Variants in MAP2 observed in about 807,000 individuals in gnomAD.
MAP2 encodes microtubule associated protein 2, also known as microtubule-associated protein 2.
MAP2 carries 14 observed loss-of-function variants against 137.6 expected under a neutral mutation model. The observed-to-expected ratio is 0.10, with a 90% CI of 0.07 to 0.16. The LOEUF is 0.16. Ranked by LOEUF, MAP2 falls within the 10% of genes least tolerant of loss-of-function variation. The probability of loss-of-function intolerance (pLI) is 1.00; values close to 1 mark genes in which losing one functional copy is unlikely to be tolerated. For synonymous variants in MAP2, 786 were observed against 782.3 expected (o/e 1.00, Z -0.08); for missense variants, 2,088 against 2,191.5 (o/e 0.95, Z 0.94).
At chr2:209,580,182 A>G (rs1416095496) in intron 3 of MAP2, 82 bp downstream of exon 3, 5 of 152,018 alleles carry the variant, frequency 3.3e-5, no homozygotes, top group African/African-American at 4.8e-5. Flanking sequence ...TAATTTATCT[A>G]TGATTGGTCT....
At chr2:209,662,153 CT>C (rs2043950042) in intron 5 of MAP2, among the ~76,000 whole-genome samples, 2 of 152,126 alleles carry the variant, frequency 1.3e-5, no homozygotes, top group African/African-American at 4.8e-5. Context: ...TTTTAATTGC[CT>C]ACAAACACTT....
In MAP2 at chr2:209,702,835, T is replaced by G. The variant is rs369251803; in HGVS notation, c.4584+2497T>G. Among the ~76,000 whole-genome samples the G allele has an allele frequency of 3.3e-5, 5 of 152,242 alleles. No homozygotes were observed. The East Asian group carries it at 7.7e-4, about 23-fold the overall frequency. ...AGTGATTTGTACAGTCTGTAAATACTTATGTCCTGTTGTAGCCACAGAGGT... is the reference window on the plus strand; with the variant it reads ...AGTGATTTGTACAGTCTGTAAATACGTATGTCCTGTTGTAGCCACAGAGGT... On this transcript the variant is annotated intron_variant, in intron 11 of 15. Coordinates refer to ENST00000682079, the MANE Select transcript of MAP2 (RefSeq NM_001375505.1).
At chr2:209,662,901 A>G (rs1396417666) in intron 5 of MAP2, among the ~76,000 whole-genome samples, 1 of 152,116 alleles carries the variant, frequency 6.6e-6, no homozygotes, top group Non-Finnish European at 1.5e-5. Flanking sequence ...AAATTGCTCA[A>G]ATATCTTGAG....
rs146484973 is a variant in MAP2 at position 209,683,499 on chromosome 2, T to C, written c.454+2672T>C. The stretch of plus-strand genomic sequence containing the variant: ...AAGATTTGTGGTCTAGACAAACTAC[T>C]GTTTCTCTTTTATGTTAAGCCACAC... On this transcript the variant is annotated intron_variant, in intron 7 of 15. Transcript: ENST00000682079. Among the ~76,000 whole-genome samples, 9 of 152,338 alleles carry C rather than the reference T, an allele frequency of 5.9e-5. No individual in the cohort carries two copies. The East Asian group carries it at 1.7e-3, about 29-fold the overall frequency.
Position 209,732,842 on chromosome 2 carries a change from T to A in MAP2, c.*2445T>A, listed in dbSNP as rs1329690993. ...TTTATTTCTAATCACAACAAAATTATAATGAATAAATGTTCTTGCTTTGTA... is the reference window on the plus strand; with the variant it reads ...TTTATTTCTAATCACAACAAAATTAAAATGAATAAATGTTCTTGCTTTGTA... On this transcript the variant is annotated 3_prime_UTR_variant, in exon 16 of 16. Coordinates refer to ENST00000682079, the MANE Select transcript of MAP2 (RefSeq NM_001375505.1). 6.6e-6 allele frequency: 1 copy of A among 152,640 alleles called. No individual in the cohort carries two copies. Among genetic ancestry groups the A allele is most frequent in the African/African-American group, 2.4e-5 (1 of 41,458 alleles). 9.5% of individuals were successfully genotyped at this position (152,640 alleles called of 1,614,324 possible).
At chr2:209,536,371 A>G (rs2065946032) in intron 2 of MAP2, among the ~76,000 whole-genome samples, 1 of 152,186 alleles carries the variant, frequency 6.6e-6, no homozygotes, top group African/African-American at 2.4e-5. Context: ...CCAGGTAGAG[A>G]GAAAGGTAAA....
intron 1 of MAP2, among the ~76,000 whole-genome samples, chr2:209,503,538 C>T (rs1576499981): frequency 6.6e-6 from 1 of 152,074 alleles, no homozygotes; most frequent in Non-Finnish European, 1.5e-5. Flanking sequence ...TTTATGGTTT[C>T]AGGTCTTACA....
At position 209,717,400 on chromosome 2, in the gene MAP2, C is replaced by A. The variant is rs2068127392; in HGVS notation, c.5073+7146C>A. 3.9e-5 allele frequency among the ~76,000 whole-genome samples: 6 copies of A among 152,262 alleles called. No individual in the cohort carries two copies. The South Asian group carries it at 1.2e-3, about 32-fold the overall frequency. Reference sequence around the variant, plus strand: ...AAATCTGCCCCCATGTTCCAATCTCCTCCCACCAGGTCCCTCCTCCAATTC... The same window carrying A: ...AAATCTGCCCCCATGTTCCAATCTCATCCCACCAGGTCCCTCCTCCAATTC... On this transcript the variant is annotated intron_variant, in intron 13 of 15. Coordinates refer to ENST00000682079, the MANE Select transcript of MAP2 (RefSeq NM_001375505.1).
chr2:209,567,647 C>T (rs977536305), intron 2 of MAP2, among the ~76,000 whole-genome samples: 12 of 151,022 alleles, frequency 7.9e-5, no homozygotes, highest in African/African-American at 2.7e-4. Context: ...CTGACTTCTT[C>T]AATTATATGT....
In MAP2 at chr2:209,694,566, G is replaced by A. The variant is rs906480330; in HGVS notation, c.2396G>A (p.Gly799Asp). Residue 799 changes from glycine (G) to aspartate (D), a missense_variant, in exon 8 of 16, where the codon GGT becomes GAT. Physicochemically the swap from Gly to Asp is moderately conservative, Grantham distance 94. Coordinates refer to ENST00000682079, the MANE Select transcript of MAP2 (RefSeq NM_001375505.1). ...CTAGCCAAAGATTTTTACAAAAATG[G>A]TACTGTCATGGCACCTGACCTTCCT... ...PFLAKDFYKN[G>D]TVMAPDLPEM... 3 of 1,613,976 alleles carry A rather than the reference G, an allele frequency of 1.9e-6. No individual in the cohort carries two copies. Among genetic ancestry groups the A allele is most frequent in the Non-Finnish European group, 2.5e-6 (3 of 1,179,928 alleles).
chr2:209,462,924 G>A (rs540884930), intron 1 of MAP2, among the ~76,000 whole-genome samples: 3 of 152,108 alleles, frequency 2.0e-5, no homozygotes, highest in African/African-American at 7.2e-5. Context: ...TAAATGAAAA[G>A]AGATTTTTCT....
At chr2:209,590,795 C>T (rs957230212) in intron 3 of MAP2, among the ~76,000 whole-genome samples, 2 of 152,100 alleles carry the variant, frequency 1.3e-5, no homozygotes, top group African/African-American at 4.8e-5. Context: ...GGAGCATAAC[C>T]AGAACCTTCA....
chr2:209,571,249 A>G (rs1408957357), intron 2 of MAP2, among the ~76,000 whole-genome samples: 1 of 151,896 alleles, frequency 6.6e-6, no homozygotes, highest in Non-Finnish European at 1.5e-5. Context: ...AATATTTATT[A>G]CAATTTTTAT....
intron 2 of MAP2, among the ~76,000 whole-genome samples, chr2:209,540,662 AGAAGAAAAG>A (rs2066853212): frequency 7.0e-6 from 1 of 142,234 alleles, no homozygotes; most frequent in Non-Finnish European, 1.5e-5. Context: ...AAAAAAAAAA[AGAAGAAAAG>A]AAAAGAAAAT....
intron 3 of MAP2, among the ~76,000 whole-genome samples, chr2:209,607,936 A>G (rs2085365989): frequency 6.6e-6 from 1 of 152,170 alleles, no homozygotes; most frequent in Non-Finnish European, 1.5e-5. Flanking sequence ...ATTGTCTTAT[A>G]TCTTTTCTGT....
intron 2 of MAP2, among the ~76,000 whole-genome samples, chr2:209,544,004 C>G (rs1447538113): frequency 6.6e-6 from 1 of 152,100 alleles, no homozygotes; most frequent in Admixed American, 6.5e-5. Context: ...CCGAGGTGGG[C>G]GGATCACGAG....
chr2:209,652,863 TTTTTG>T (rs543006539), intron 4 of MAP2, among the ~76,000 whole-genome samples: 302 of 152,252 alleles, frequency 2.0e-3, no homozygotes, highest in African/African-American at 6.9e-3. Flanking sequence ...GTTGTTTGGT[TTTTTG>T]TTTTGTTTTG....
chr2:209,543,697 G>C (rs1316317487), intron 2 of MAP2, among the ~76,000 whole-genome samples: 4 of 152,190 alleles, frequency 2.6e-5, no homozygotes, highest in Non-Finnish European at 2.9e-5. Context: ...TTTTAAGATT[G>C]TGTCAGGTTT....
intron 2 of MAP2, among the ~76,000 whole-genome samples, chr2:209,567,996 T>C (rs1313036609): frequency 6.6e-6 from 1 of 152,026 alleles, no homozygotes; most frequent in East Asian, 1.9e-4. Flanking sequence ...TTCCAATCAA[T>C]AGGAGAATTT....
Sources: allele counts gnomAD v4.1 joint callset (sites outside exome capture counted in the v4.1 genomes callset), GRCh38; gene constraint gnomAD v4.1.1; transcripts MANE v1.5; gene names NCBI Gene and HGNC (gene_info 2026-07-23, HGNC 2026-07-21).